ZBTB14: variants seen among roughly 807,000 people sequenced by gnomAD.
ZBTB14 encodes zinc finger and BTB domain containing 14.
Under a neutral mutation model 29.5 loss-of-function variants are expected in ZBTB14, and 8 were observed. The ratio of observed to expected loss-of-function variants is 0.27; its 90% CI spans 0.16 to 0.49. The LOEUF (loss-of-function observed/expected upper bound fraction) is 0.49. Ranked by LOEUF, ZBTB14 falls within the 20% of genes least tolerant of loss-of-function variation. ZBTB14 has a pLI of 0.99. For synonymous variants in ZBTB14, 226 were observed against 207.2 expected (o/e 1.09, Z -0.78); for missense variants, 333 against 563.8 (o/e 0.59, Z 4.15).
chr18:5,290,667 G>C lies in ZBTB14; in HGVS notation c.*191C>G, dbSNP rs574730892. The C allele has an allele frequency of 2.6e-6, 2 of 770,620 alleles. No homozygotes were observed. Among genetic ancestry groups the C allele is most frequent in the East Asian group, 2.8e-5 (1 of 35,870 alleles). The allele number at this position is 770,620 out of a possible 1,614,324, so 47.7% of individuals were successfully genotyped here. A position where few individuals can be genotyped will look rare whatever the true frequency, so the allele number is the denominator to read the frequency against. On this transcript the variant is annotated 3_prime_UTR_variant, in exon 4 of 4. Transcript: ENST00000651870. ...TAGACACCAGACAAGACAGTGAAAC[G>C]GTTTGGTCAGAACTGAGGAACACCA...
Position 5,291,700 on chromosome 18 carries a change from C to T in ZBTB14, c.508G>A (p.Asp170Asn). ...DDDVEEIGDQDDSPSDDTVEG... is the reference protein window; with the variant it reads ...DDDVEEIGDQNDSPSDDTVEG... ...ACTGTGTCATCAGAAGGACTGTCAT[C>T]CTGATCCCCGATTTCCTCTACATCA... The change falls in exon 4 of 4, where the codon GAT becomes AAT. Residue 170 changes from aspartate to asparagine, a missense_variant. Asp to Asn is a conservative substitution (Grantham distance 23). Around this residue, in one of 3 missense-constraint regions of ZBTB14, gnomAD observed 126 missense variants for 132.2 expected, o/e 0.95. Coordinates refer to ENST00000651870, the MANE Select transcript of ZBTB14 (RefSeq NM_001243702.2). This position sits in a 1 kb window ranked among gnomAD's most constrained non-coding sequence, Gnocchi z 5.8. 1 of 1,614,108 alleles carries T rather than the reference C, an allele frequency of 6.2e-7. No individual in the cohort carries two copies. Among genetic ancestry groups the T allele is most frequent in the Non-Finnish European group, 8.5e-7 (1 of 1,180,024 alleles).
At chr18:5,295,497 G>A (rs1180911293) in intron 1 of ZBTB14, among the ~76,000 whole-genome samples, 155 bp downstream of exon 1, 1 of 144,922 alleles carries the variant, frequency 6.9e-6, no homozygotes. Context: ...GGTGCGAGCG[G>A]GGGCGGCCAT....
At position 5,293,234 on chromosome 18, in the gene ZBTB14, T is replaced by C; in HGVS notation, c.3+10A>G. The C allele has an allele frequency of 6.2e-7, 1 of 1,613,082 alleles. No homozygotes were observed. Among genetic ancestry groups the C allele is most frequent in the Non-Finnish European group, 8.5e-7 (1 of 1,179,616 alleles). On this transcript the variant is annotated intron_variant, in intron 3 of 3. Coordinates refer to ENST00000651870, the MANE Select transcript of ZBTB14 (RefSeq NM_001243702.2). ...TTTCATCAAGATTTAATATCCAAAG[T>C]TATAGTTACCATGAACAACTCAGGC...
Position 5,290,740 on chromosome 18 carries a change from C to G in ZBTB14, c.*118G>C, listed in dbSNP as rs545969629. The G allele has an allele frequency of 6.9e-7, 1 of 1,445,192 alleles. No homozygotes were observed. Among genetic ancestry groups the G allele is most frequent in the Non-Finnish European group, 9.3e-7 (1 of 1,073,220 alleles). 89.5% of individuals were successfully genotyped at this position (1,445,192 alleles called of 1,614,324 possible). ...TAGCTAACCAAGCACTGCCTTAAGT[C>G]CAGTGAGTACAATGTTCCATACGTT... is the stretch of plus-strand genomic sequence containing the variant. On this transcript the variant is annotated 3_prime_UTR_variant, in exon 4 of 4. Coordinates refer to ENST00000651870, the MANE Select transcript of ZBTB14 (RefSeq NM_001243702.2).
rs779305024 is a variant in ZBTB14 at position 5,291,254 on chromosome 18, G to T, written c.954C>A (p.Ala318=). The change falls in exon 4 of 4, where the codon GCC becomes GCA. Residue 318 remains alanine, a synonymous_variant. Coordinates refer to ENST00000651870, the MANE Select transcript of ZBTB14 (RefSeq NM_001243702.2). This position sits in a 1 kb window ranked among gnomAD's most constrained non-coding sequence, Gnocchi z 5.8. The part of the protein sequence containing the change: ...EMCTKGFTTQ[A]HLKEHLKIHT... ...GGATTTTTAGGTGTTCTTTCAGGTG[G>T]GCCTGTGTGGTGAAACCTTTTGTGC... 5.6e-6 allele frequency: 9 copies of T among 1,614,182 alleles called. No homozygotes were observed. The Admixed American group carries it at 1.2e-4, about 21-fold the overall frequency.
chr18:5,292,680 C>T (rs2071843847), intron 3 of ZBTB14, among the ~76,000 whole-genome samples: 1 of 152,192 alleles, frequency 6.6e-6, no homozygotes, highest in Admixed American at 6.5e-5. Context: ...ATCCTCTAGT[C>T]CTCTCTGTTG....
chr18:5,292,586 AT>A, intron 3 of ZBTB14, among the ~76,000 whole-genome samples: 1 of 152,320 alleles, frequency 6.6e-6, no homozygotes, highest in East Asian at 1.9e-4. Context: ...AATGCAGACA[AT>A]CTGGCTGCAA....
rs34590676 is a variant in ZBTB14 at position 5,292,066 on chromosome 18, T to G, written c.142A>C (p.Arg48=). The part of the protein sequence containing the change: ...IAIVVEDVKF[R]AHRCVLAACS... ...GCAGCAAGAACACATCTGTGTGCTC[T>G]GAATTTCACATCCTCAACCACAATA... The change falls in exon 4 of 4, where the codon AGA becomes CGA. Residue 48 remains arginine, a synonymous_variant. Coordinates refer to ENST00000651870, the MANE Select transcript of ZBTB14 (RefSeq NM_001243702.2). 1,960 of 1,611,872 alleles carry G rather than the reference T, an allele frequency of 1.2e-3. 14 individuals are homozygous for G. The African/African-American group carries it at 0.023, about 19-fold the overall frequency.
rs767606188 is a variant in ZBTB14, at chr18:5,291,178, G to A, written c.1030C>T (p.Arg344Cys). The A allele has an allele frequency of 2.5e-6, 4 of 1,614,114 alleles. No homozygotes were observed. Among genetic ancestry groups the A allele is most frequent in the African/African-American group, 1.3e-5 (1 of 74,938 alleles). ...SCEVCGKSFI[R>C]APDLKKHERV... Reference sequence around the variant, plus strand: ...TCATGCTTCTTTAAGTCTGGGGCACGGATAAATGATTTTCCACACACCTCA... The same window carrying A: ...TCATGCTTCTTTAAGTCTGGGGCACAGATAAATGATTTTCCACACACCTCA... The change falls in exon 4 of 4, where the codon CGT becomes TGT. Residue 344 changes from arginine to cysteine, a missense_variant. By Grantham distance (180) the Arg-to-Cys change is radical. Around this residue, in one of 3 missense-constraint regions of ZBTB14, gnomAD observed 140 missense variants for 274.6 expected, o/e 0.51. Coordinates refer to ENST00000651870, the MANE Select transcript of ZBTB14 (RefSeq NM_001243702.2). The surrounding 1 kb of genome is among the most constrained non-coding windows in gnomAD (Gnocchi z 5.8).
intron 1 of ZBTB14, among the ~76,000 whole-genome samples, chr18:5,295,106 G>A (rs948559656): frequency 1.3e-5 from 2 of 150,382 alleles, no homozygotes; most frequent in African/African-American, 4.9e-5. Context: ...GCGGCTCGGA[G>A]CGCGCAGGGA....
At position 5,293,296 on chromosome 18, in the gene ZBTB14, T is replaced by C. The variant is rs1347473079; in HGVS notation, c.-50A>G. ...TGCCTTGAACGCCAAAATCTTCAGA[T>C]CAGAGTAACTCTGATCAGGAGCACG... On this transcript the variant is annotated 5_prime_UTR_variant, in exon 3 of 4. Coordinates refer to ENST00000651870, the MANE Select transcript of ZBTB14 (RefSeq NM_001243702.2). 2 of 1,608,288 alleles carry C rather than the reference T, an allele frequency of 1.2e-6. No individual in the cohort carries two copies. Among genetic ancestry groups the C allele is most frequent in the Non-Finnish European group, 1.7e-6 (2 of 1,176,420 alleles).
chr18:5,296,891 C>T (rs1397285439), upstream of ZBTB14: 1 of 152,008 alleles, frequency 6.6e-6, no homozygotes, highest in Admixed American at 6.5e-5. Flanking sequence ...CATCCCTGCT[C>T]AGCGCCAGTA....
In ZBTB14 at chr18:5,295,695, G is replaced by A. The variant is rs1232169653; in HGVS notation, c.-155C>T. ...GCCGCCGCACATCCTGGAGCTGGCT[G>A]GTGCCCCAGAGCTCGGCGAGAACGC... On this transcript the variant is annotated 5_prime_UTR_variant, in exon 1 of 4. Transcript: ENST00000651870. The A allele has an allele frequency of 6.6e-6, 1 of 150,476 alleles. No homozygotes were observed. The highest frequency in any genetic ancestry group is 1.5e-5 in the Non-Finnish European group (1 of 67,650). 9.3% of individuals were successfully genotyped at this position (150,476 alleles called of 1,614,324 possible).
At position 5,291,449 on chromosome 18, in the gene ZBTB14, T is replaced by C. The variant is rs1454517559; in HGVS notation, c.759A>G (p.Thr253=). The part of the protein sequence containing the change: ...DGMSEVKDEQ[T]PGWTTAASDM... ...CACTGGCGGCTGTTGTCCAGCCTGG[T>C]GTCTGTTCATCTTTCACTTCACTCA... Residue 253 remains threonine (T), a synonymous_variant, in exon 4 of 4, where the codon ACA becomes ACG. Coordinates refer to ENST00000651870, the MANE Select transcript of ZBTB14 (RefSeq NM_001243702.2). The surrounding 1 kb of genome is among the most constrained non-coding windows in gnomAD (Gnocchi z 5.8). 6.2e-7 allele frequency: 1 copy of C among 1,614,184 alleles called. No homozygotes were observed. The highest frequency in any genetic ancestry group is 1.7e-5 in the Admixed American group (1 of 60,032).
chr18:5,293,465 G>A, intron 2 of ZBTB14, 138 bp from the exon 3 acceptor site: 1 of 560,622 alleles, frequency 1.8e-6, no homozygotes, highest in Non-Finnish European at 3.2e-6. Context: ...TGGCAGGTAG[G>A]TAGCTGGTAC....
At position 5,291,438 on chromosome 18, in the gene ZBTB14, G is replaced by T. The variant is rs1383861244; in HGVS notation, c.770C>A (p.Thr257Lys). ...EVKDEQTPGW[T>K]TAASDMKFEY... ...AAACTTCATGTCACTGGCGGCTGTT[G>T]TCCAGCCTGGTGTCTGTTCATCTTT... Residue 257 changes from threonine to lysine, a missense_variant, in exon 4 of 4, where the codon ACA becomes AAA. Around this residue, in one of 3 missense-constraint regions of ZBTB14, gnomAD observed 140 missense variants for 274.6 expected, o/e 0.51. Coordinates refer to ENST00000651870, the MANE Select transcript of ZBTB14 (RefSeq NM_001243702.2). This position sits in a 1 kb window ranked among gnomAD's most constrained non-coding sequence, Gnocchi z 5.8. 1.9e-6 allele frequency: 3 copies of T among 1,614,086 alleles called. No individual in the cohort carries two copies. Among genetic ancestry groups the T allele is most frequent in the Non-Finnish European group, 2.5e-6 (3 of 1,180,050 alleles).
Position 5,291,745 on chromosome 18 carries a change from C to G in ZBTB14, c.463G>C (p.Ala155Pro). Residue 155 changes from alanine to proline, a missense_variant, in exon 4 of 4, where the codon GCT becomes CCT. By Grantham distance (27) the Ala-to-Pro change is conservative. Coordinates refer to ENST00000651870, the MANE Select transcript of ZBTB14 (RefSeq NM_001243702.2). This position sits in a 1 kb window ranked among gnomAD's most constrained non-coding sequence, Gnocchi z 5.8. The part of the protein sequence containing the change: ...CLKINRPIGD[A>P]ADTQDDDVEE... ...ACATCATCATCCTGGGTGTCAGCAG[C>G]ATCTCCAATGGGGCGATTTATTTTA... 1 of 1,614,120 alleles carries G rather than the reference C, an allele frequency of 6.2e-7. No individual in the cohort carries two copies. Among genetic ancestry groups the G allele is most frequent in the African/African-American group, 1.3e-5 (1 of 75,032 alleles).
upstream of ZBTB14, chr18:5,295,821 T>A (rs1598350099): frequency 6.6e-6 from 1 of 151,082 alleles, no homozygotes; most frequent in Non-Finnish European, 1.5e-5. Context: ...ACCTGCAGCC[T>A]GGCACAGGCA....
Position 5,291,744 on chromosome 18 carries a change from G to A in ZBTB14, c.464C>T (p.Ala155Val), listed in dbSNP as rs1034501304. The change falls in exon 4 of 4, where the codon GCT (alanine) becomes GTT (valine). Residue 155 changes from alanine to valine, a missense_variant. By Grantham distance (64) the Ala-to-Val change is moderately conservative (BLOSUM62 0). Around this residue, in one of 3 missense-constraint regions of ZBTB14, gnomAD observed 126 missense variants for 132.2 expected, o/e 0.95. Transcript: ENST00000651870. The surrounding 1 kb of genome is among the most constrained non-coding windows in gnomAD (Gnocchi z 5.8). The part of the protein sequence containing the change: ...CLKINRPIGD[A>V]ADTQDDDVEE... Reference sequence around the variant, plus strand: ...TACATCATCATCCTGGGTGTCAGCAGCATCTCCAATGGGGCGATTTATTTT... The same window carrying A: ...TACATCATCATCCTGGGTGTCAGCAACATCTCCAATGGGGCGATTTATTTT... 6.2e-7 allele frequency: 1 copy of A among 1,614,076 alleles called. No individual in the cohort carries two copies. Among genetic ancestry groups the A allele is most frequent in the Non-Finnish European group, 8.5e-7 (1 of 1,180,006 alleles).
Sources: allele counts gnomAD v4.1 joint callset (sites outside exome capture counted in the v4.1 genomes callset), GRCh38; gene constraint gnomAD v4.1.1; regional missense constraint gnomAD v4.1.1; non-coding constraint Gnocchi (gnomAD v3.1); transcripts MANE v1.5; gene names NCBI Gene and HGNC (gene_info 2026-07-23, HGNC 2026-07-21).